The following TTC34 variants were observed in gnomAD, a reference collection of about 807,000 sequenced individuals.
TTC34 encodes the protein tetratricopeptide repeat protein 34.
TTC34 carries 44 observed loss-of-function variants against 40.7 expected under a neutral mutation model. The ratio of observed to expected loss-of-function variants is 1.08; its 90% CI spans 0.85 to 1.39. The LOEUF is 1.39. Among genes scored for constraint, TTC34 ranks in the 40% most tolerant of loss-of-function variants. The pLI, the probability that TTC34 is intolerant of heterozygous loss-of-function variation, is 0.00. For missense variants in TTC34, 884 were observed against 838.0 expected (o/e 1.05, Z -0.68); for synonymous variants, 422 against 398.6 (o/e 1.06, Z -0.70).
chr1:2,698,487 T>C (rs191158699), intron 6 of TTC34, among the ~76,000 whole-genome samples: 2,730 of 13,006 alleles, frequency 0.21, 184 homozygotes, highest in Non-Finnish European at 0.26. Context: ...GCACCCACAC[T>C]CCCAGGCGAG....
intron 6 of TTC34, among the ~76,000 whole-genome samples, chr1:2,660,210 CGTGGAGCAGCA>C: frequency 2.6e-5 from 1 of 39,158 alleles, no homozygotes; most frequent in Non-Finnish European, 5.3e-5. Context: ...CATCTGACAT[CGTGGAGCAGCA>C]CCCCACACCC....
At chr1:2,693,105 CCCT>C (rs1640701252) in intron 6 of TTC34, among the ~76,000 whole-genome samples, 1 of 79,818 alleles carries the variant, frequency 1.3e-5, no homozygotes, top group Non-Finnish European at 2.8e-5. Context: ...AGCACCCACA[CCCT>C]CAGGTGAGCA....
chr1:2,658,693 A>G (rs1353924277), intron 6 of TTC34, among the ~76,000 whole-genome samples: 26 of 87,672 alleles, frequency 3.0e-4, no homozygotes, highest in Middle Eastern at 7.1e-3. Flanking sequence ...ACAGCCTGGA[A>G]CAGCACCCAC....
intron 6 of TTC34, among the ~76,000 whole-genome samples, chr1:2,651,930 G>C (rs1238166916): frequency 6.6e-6 from 1 of 151,390 alleles, no homozygotes; most frequent in Non-Finnish European, 1.5e-5. Flanking sequence ...TGCACTCAGG[G>C]GAGCATCTGA....
rs1557589936 is a variant in TTC34, at chr1:2,656,368, A to AT, written c.2227-10806_2227-10805insA. On this transcript the variant is annotated intron_variant, in intron 6 of 8. Coordinates refer to ENST00000401095, the Ensembl canonical transcript of TTC34. ...TGAGCATCTGACAGCCTGGAACAGC[A>AT]CCCACACCCACAGGTGAGCATCTGA... 1.6e-3 allele frequency among the ~76,000 whole-genome samples: 150 copies of AT among 96,006 alleles called. 2 individuals are homozygous for AT. The highest frequency in any genetic ancestry group is 2.4e-3 in the Non-Finnish European group (119 of 49,598). 63.0% of individuals were successfully genotyped at this position (96,006 alleles called of 152,430 possible).
intron 6 of TTC34, among the ~76,000 whole-genome samples, chr1:2,751,436 A>G (rs1400051520): frequency 1.4e-4 from 15 of 108,750 alleles, no homozygotes; most frequent in South Asian, 3.7e-4. Flanking sequence ...AGCCTGGAAC[A>G]GAGCCCAGAC....
intron 6 of TTC34, among the ~76,000 whole-genome samples, chr1:2,780,238 A>C (rs1643460310): frequency 6.6e-6 from 1 of 152,194 alleles, no homozygotes; most frequent in Admixed American, 6.5e-5. Flanking sequence ...CCATCCTGTC[A>C]GTTGCCTTTT....
At chr1:2,785,162 T>A (rs937409174) in intron 5 of TTC34, among the ~76,000 whole-genome samples, 1 of 152,210 alleles carries the variant, frequency 6.6e-6, no homozygotes, top group Non-Finnish European at 1.5e-5. Context: ...GGGTGCTCAC[T>A]AAGTGCATGG....
At chr1:2,651,089 G>T (rs926411825) in intron 6 of TTC34, among the ~76,000 whole-genome samples, 1 of 150,526 alleles carries the variant, frequency 6.6e-6, no homozygotes, top group Non-Finnish European at 1.5e-5. Context: ...GCATCAGAAA[G>T]CCTGGAACGG....
At chr1:2,658,103 C>T (rs1639416136) in intron 6 of TTC34, among the ~76,000 whole-genome samples, 2 of 121,650 alleles carry the variant, frequency 1.6e-5, no homozygotes, top group Non-Finnish European at 3.9e-5. Flanking sequence ...AGTGACCACA[C>T]CTCCCGGTGA....
chr1:2,694,983 C>G (rs567849548), intron 6 of TTC34, among the ~76,000 whole-genome samples: 111 of 151,700 alleles, frequency 7.3e-4, no homozygotes, highest in African/African-American at 1.8e-3. Context: ...CCTGGAGCAG[C>G]ACCCTGCACC....
chr1:2,748,506 G>A (rs2100422397), intron 6 of TTC34, among the ~76,000 whole-genome samples: 5 of 139,024 alleles, frequency 3.6e-5, no homozygotes, highest in Admixed American at 7.2e-5. Flanking sequence ...CGATAGCCTG[G>A]AGCAGCACCC....
intron 7 of TTC34, among the ~76,000 whole-genome samples, chr1:2,644,734 G>A (rs1638984001): frequency 6.6e-6 from 1 of 152,208 alleles, no homozygotes; most frequent in African/African-American, 2.4e-5. Context: ...TCTCTCCCGG[G>A]CAACTAGAGG....
At chr1:2,651,443 G>T (rs1357441185) in intron 6 of TTC34, among the ~76,000 whole-genome samples, 1 of 152,016 alleles carries the variant, frequency 6.6e-6, no homozygotes, top group African/African-American at 2.4e-5. Flanking sequence ...ACACACGCAG[G>T]TAAGCATCTG....
chr1:2,683,882 G>C (rs1352181068), intron 6 of TTC34, among the ~76,000 whole-genome samples: 2 of 151,474 alleles, frequency 1.3e-5, no homozygotes, highest in African/African-American at 4.9e-5. Flanking sequence ...ACCCCGAGGC[G>C]AGCATCTGAC....
At chr1:2,649,925 G>A (rs1251576743) in intron 6 of TTC34, among the ~76,000 whole-genome samples, 12 of 126,362 alleles carry the variant, frequency 9.5e-5, no homozygotes, top group South Asian at 5.4e-4. Flanking sequence ...ATGGCACTCT[G>A]CATCCCCAGG....
intron 6 of TTC34, among the ~76,000 whole-genome samples, chr1:2,687,622 T>G (rs1251250907): frequency 1.0e-4 from 14 of 140,028 alleles, no homozygotes; most frequent in Admixed American, 9.2e-4. Context: ...GGTGAGCAGC[T>G]GATATCCTGG....
intron 3 of TTC34, among the ~76,000 whole-genome samples, chr1:2,788,644 G>A (rs1643623081): frequency 6.6e-6 from 1 of 152,226 alleles, no homozygotes; most frequent in Non-Finnish European, 1.5e-5. Context: ...GGGTGAGTGG[G>A]GGATGGGCGG....
chr1:2,749,661 A>G (rs1641253956), intron 6 of TTC34, among the ~76,000 whole-genome samples: 1 of 111,084 alleles, frequency 9.0e-6, no homozygotes, highest in Non-Finnish European at 1.7e-5. Flanking sequence ...TGAGCATCCG[A>G]CAGCCTGGAG....
Sources: gnomAD v4.1 joint callset for allele counts (sites outside exome capture counted in the v4.1 genomes callset) on GRCh38, gnomAD v4.1.1 for gene constraint, MANE v1.5 for transcripts, NCBI Gene and HGNC (gene_info 2026-07-23, HGNC 2026-07-21) for gene names.